PREX1: variants seen among roughly 807,000 people sequenced by gnomAD.
PREX1 encodes phosphatidylinositol 3,4,5-trisphosphate-dependent Rac exchanger 1 protein.
Under a neutral mutation model 198.3 loss-of-function variants are expected in PREX1, and 41 were observed. The ratio of observed to expected loss-of-function variants is 0.21; its 90% CI spans 0.16 to 0.27. The LOEUF is 0.27. PREX1 is among the 10% of genes least tolerant of loss of function. The probability of loss-of-function intolerance (pLI) is 1.00; values close to 1 mark genes in which losing one functional copy is unlikely to be tolerated. For missense variants in PREX1, 1,620 were observed against 2,200.7 expected (o/e 0.74, Z 5.28); for synonymous variants, 843 against 887.2 (o/e 0.95, Z 0.89).
chr20:48,650,512 G>A (rs960632367), intron 23 of PREX1, among the ~76,000 whole-genome samples: 5 of 152,196 alleles, frequency 3.3e-5, no homozygotes, highest in Admixed American at 6.5e-5. Flanking sequence ...CAGGGTCAAC[G>A]TGCCTCTCCA....
At chr20:48,653,547 GC>G (rs778460467) in intron 19 of PREX1, 50 bp from the exon 20 acceptor site, 1 of 1,579,546 alleles carries the variant, frequency 6.3e-7, no homozygotes, top group Admixed American at 1.7e-5. Context: ...AGTACAAGCA[GC>G]CCGCTGAACA....
the PREX1 span, among the ~76,000 whole-genome samples, chr20:48,843,651 T>C: frequency 2.6e-5 from 4 of 152,220 alleles, no homozygotes; most frequent in Admixed American, 2.6e-4. Context: ...CAGCGTGGCA[T>C]GGAAAGTCCT....
intron 1 of PREX1, among the ~76,000 whole-genome samples, chr20:48,768,436 G>A (rs572625409): frequency 3.3e-5 from 5 of 152,280 alleles, no homozygotes; most frequent in South Asian, 4.2e-4. Flanking sequence ...GCAGCCACCC[G>A]TGGGATTCCA....
intron 1 of PREX1, among the ~76,000 whole-genome samples, chr20:48,768,007 C>T (rs1357812064): frequency 6.6e-6 from 1 of 152,178 alleles, no homozygotes; most frequent in Non-Finnish European, 1.5e-5. Flanking sequence ...ACTGCCAGCT[C>T]CGTGATGGTG....
intron 1 of PREX1, among the ~76,000 whole-genome samples, chr20:48,787,587 C>T (rs2090319098): frequency 6.6e-6 from 1 of 150,982 alleles, no homozygotes; most frequent in Non-Finnish European, 1.5e-5. Context: ...CGACGAAAAC[C>T]CTCGTCTTCC....
chr20:48,805,970 A>T (rs913192423), intron 1 of PREX1, among the ~76,000 whole-genome samples: 1 of 152,220 alleles, frequency 6.6e-6, no homozygotes, highest in African/African-American at 2.4e-5. Flanking sequence ...TGTGCCAGAC[A>T]CTGCTCTAGA....
intron 12 of PREX1, 49 bp downstream of exon 12, chr20:48,679,602 G>A (rs1248136652): frequency 6.5e-7 from 1 of 1,528,282 alleles, no homozygotes; most frequent in Admixed American, 1.7e-5. Context: ...CCAGGGTGGA[G>A]GTGAACGAGG....
chr20:48,759,549 C>CAAAAAAAAAAAAAAAAAA (rs386393896), intron 1 of PREX1, among the ~76,000 whole-genome samples: 9 of 73,898 alleles, frequency 1.2e-4, no homozygotes, highest in Non-Finnish European at 2.0e-4. Flanking sequence ...GATTCCATCT[C>CAAAAAAAAAAAAAAAAAA]AAAAAAAAAA....
intron 22 of PREX1, 48 bp downstream of exon 22, chr20:48,651,348 G>A: frequency 6.5e-7 from 1 of 1,533,852 alleles, no homozygotes; most frequent in South Asian, 1.3e-5. Context: ...AGAGAAACTG[G>A]CTTCAATCCC....
Position 48,627,847 on chromosome 20 carries a change from C to G in PREX1, c.4869+14G>C. ...CCCAGGGTGCTGGAGGACCCTGTGG[C>G]CAAGCGGCCTCACCTGCTTCCGCAT... On this transcript the variant is annotated intron_variant, in intron 38 of 39. Coordinates refer to ENST00000371941, the MANE Select transcript of PREX1 (RefSeq NM_020820.4). The G allele has an allele frequency of 6.2e-7, 1 of 1,609,078 alleles. No homozygotes were observed. Among genetic ancestry groups the G allele is most frequent in the Non-Finnish European group, 8.5e-7 (1 of 1,178,106 alleles).
chr20:48,882,564 ATG>A, the PREX1 span, among the ~76,000 whole-genome samples: 2 of 144,136 alleles, frequency 1.4e-5, no homozygotes, highest in Admixed American at 6.9e-5. Context: ...TTCTATGTGT[ATG>A]TATATTTTTG....
At chr20:48,887,995 GTATTT>G in the PREX1 span, among the ~76,000 whole-genome samples, 1 of 152,008 alleles carries the variant, frequency 6.6e-6, no homozygotes, top group African/African-American at 2.4e-5. Flanking sequence ...TAAAATGCTG[GTATTT>G]TGGGCCAAGC....
At chr20:48,705,943 G>C (rs990079261) in intron 6 of PREX1, among the ~76,000 whole-genome samples, 1 of 152,212 alleles carries the variant, frequency 6.6e-6, no homozygotes, top group Admixed American at 6.5e-5. Context: ...ATAAGTTACA[G>C]GGCTGGGCCT....
the PREX1 span, among the ~76,000 whole-genome samples, chr20:48,841,658 T>C: frequency 6.6e-6 from 1 of 152,228 alleles, no homozygotes; most frequent in Admixed American, 6.5e-5. Context: ...AATTTAGAGG[T>C]GGTCTCAATG....
chr20:48,673,130 C>G (rs905688019), intron 14 of PREX1, among the ~76,000 whole-genome samples: 8 of 152,222 alleles, frequency 5.3e-5, no homozygotes, highest in Non-Finnish European at 1.0e-4. Context: ...GGAGCGGACT[C>G]TGCAGTGGGG....
intron 4 of PREX1, among the ~76,000 whole-genome samples, chr20:48,729,739 G>A (rs374685411): frequency 2.0e-4 from 31 of 152,242 alleles, no homozygotes; most frequent in African/African-American, 6.0e-4. Context: ...CACGCTGTTC[G>A]CAGACACCAT....
chr20:48,668,286 G>A (rs1261315896), intron 14 of PREX1, among the ~76,000 whole-genome samples: 1 of 152,226 alleles, frequency 6.6e-6, no homozygotes, highest in African/African-American at 2.4e-5. Flanking sequence ...GACCAGGGGA[G>A]GACAAGCTGA....
intron 15 of PREX1, 122 bp from the exon 16 acceptor site, chr20:48,660,183 T>C: frequency 8.3e-7 from 1 of 1,206,962 alleles, no homozygotes; most frequent in South Asian, 1.3e-5. Flanking sequence ...GCAAACACTA[T>C]TCTATTAAAA....
chr20:48,713,100 C>T (rs1421753583), intron 5 of PREX1, among the ~76,000 whole-genome samples: 1 of 151,518 alleles, frequency 6.6e-6, no homozygotes, highest in African/African-American at 2.4e-5. Context: ...AAGATTGCGC[C>T]ACTGCACTCC....
Sources: allele counts gnomAD v4.1 joint callset (sites outside exome capture counted in the v4.1 genomes callset), GRCh38; gene constraint gnomAD v4.1.1; transcripts MANE v1.5; gene names NCBI Gene and HGNC (gene_info 2026-07-23, HGNC 2026-07-21).